Variants in RPS6KA2 observed in about 807,000 individuals in gnomAD.
RPS6KA2 encodes ribosomal protein S6 kinase A2.
A neutral mutation model predicts 91.8 loss-of-function variants in RPS6KA2; 42 were observed. The ratio of observed to expected loss-of-function variants is 0.46; its 90% CI spans 0.36 to 0.59. The LOEUF (loss-of-function observed/expected upper bound fraction) is 0.59. Ranked by LOEUF, RPS6KA2 falls within the 20% of genes least tolerant of loss-of-function variation. RPS6KA2 has a pLI of 0.00. For synonymous variants in RPS6KA2, 414 were observed against 393.6 expected (o/e 1.05, Z -0.61); for missense variants, 798 against 978.5 (o/e 0.82, Z 2.46).
intron 1 of RPS6KA2, among the ~76,000 whole-genome samples, chr6:166,567,195 A>T (rs1425380459): frequency 6.6e-6 from 1 of 152,220 alleles, no homozygotes; most frequent in Non-Finnish European, 1.5e-5. Context: ...GCCATGAGTC[A>T]CATCCATGGT....
intron 1 of RPS6KA2, among the ~76,000 whole-genome samples, chr6:166,550,315 C>A (rs928554571): frequency 6.6e-6 from 1 of 151,058 alleles, no homozygotes; most frequent in African/African-American, 2.4e-5. Context: ...AAAGTTCAGG[C>A]AAAATTAACT....
At chr6:166,779,840 C>T (rs1778721281) in intron 2 of RPS6KA2, among the ~76,000 whole-genome samples, 1 of 152,152 alleles carries the variant, frequency 6.6e-6, no homozygotes, top group Non-Finnish European at 1.5e-5. Flanking sequence ...GCTAGCGTTG[C>T]CGACGGCTGC....
chr6:166,468,591 C>T (rs952629525), intron 11 of RPS6KA2, among the ~76,000 whole-genome samples: 60 of 151,828 alleles, frequency 4.0e-4, no homozygotes, highest in African/African-American at 1.4e-3. Context: ...AGGCCGGGCG[C>T]GGTGGCTCAC....
rs189372720 is a variant in RPS6KA2, at chr6:166,490,458, A to G, written c.818+213T>C. ...GCAACTGCTCCCTTGACCCACTGTC[A>G]TTAGAATGCCCAGCACCCTATTACC... On this transcript the variant is annotated intron_variant, in intron 9 of 20. Coordinates refer to ENST00000265678, the MANE Select transcript of RPS6KA2 (RefSeq NM_021135.6). The surrounding 1 kb of genome is among the most constrained non-coding windows in gnomAD (Gnocchi z 4.2). Among the ~76,000 whole-genome samples, 5 of 152,236 alleles carry G rather than the reference A, an allele frequency of 3.3e-5. No homozygotes were observed. The highest frequency in any genetic ancestry group is 7.3e-5 in the Non-Finnish European group (5 of 68,040).
intron 1 of RPS6KA2, among the ~76,000 whole-genome samples, chr6:166,558,502 T>C (rs377329552): frequency 6.6e-6 from 1 of 152,202 alleles, no homozygotes; most frequent in East Asian, 1.9e-4. Context: ...TGTGCATGTG[T>C]GGCCAAGTTG....
At chr6:166,680,177 A>T (rs1296755573) in intron 2 of RPS6KA2, among the ~76,000 whole-genome samples, 1 of 152,010 alleles carries the variant, frequency 6.6e-6, no homozygotes, top group East Asian at 1.9e-4. Flanking sequence ...GTGTCTAGCT[A>T]ATCTGGTGGG....
rs1334858907 is a variant in RPS6KA2, at chr6:166,849,117, C to G, written c.123+9083G>C. Among the ~76,000 whole-genome samples, 3 of 152,118 alleles carry G rather than the reference C, an allele frequency of 2.0e-5. No homozygotes were observed. Among genetic ancestry groups the G allele is most frequent in the African/African-American group, 7.2e-5 (3 of 41,420 alleles). ...CAGGCCTGCACATGGTTCCTGAAGC[C>G]AAGCCCAGCTGAGGCTTCCTTGGTC... is the stretch of plus-strand genomic sequence containing the variant. On this transcript the variant is annotated intron_variant, in intron 2 of 21. Transcript: ENST00000503859. This position sits in a 1 kb window ranked among gnomAD's most constrained non-coding sequence, Gnocchi z 4.9.
chr6:166,762,424 G>A (rs1303433374), intron 2 of RPS6KA2, among the ~76,000 whole-genome samples: 3 of 152,170 alleles, frequency 2.0e-5, no homozygotes, highest in Non-Finnish European at 2.9e-5. Context: ...AACGGAGGAC[G>A]GAATATGAAG....
At chr6:166,834,496 A>C (rs1348273709) in intron 2 of RPS6KA2, among the ~76,000 whole-genome samples, 1 of 152,198 alleles carries the variant, frequency 6.6e-6, no homozygotes, top group Non-Finnish European at 1.5e-5. Flanking sequence ...AGAGAATCAG[A>C]AAAAAATATT....
chr6:166,679,047 G>A (rs1788702698), intron 2 of RPS6KA2, among the ~76,000 whole-genome samples: 1 of 152,162 alleles, frequency 6.6e-6, no homozygotes, highest in South Asian at 2.1e-4. Flanking sequence ...TACAAAACCT[G>A]GTTGACCAAT....
At chr6:166,797,302 C>T (rs1192771308) in intron 2 of RPS6KA2, among the ~76,000 whole-genome samples, 1 of 140,512 alleles carries the variant, frequency 7.1e-6, no homozygotes, top group African/African-American at 2.8e-5. Flanking sequence ...AAATTATTTC[C>T]AGAAATGTTT....
At chr6:166,735,567 G>A (rs373775368) in intron 2 of RPS6KA2, among the ~76,000 whole-genome samples, 14 of 152,230 alleles carry the variant, frequency 9.2e-5, no homozygotes, top group South Asian at 2.1e-4. Flanking sequence ...TTGTTTTCCC[G>A]CAACTAAACG....
intron 2 of RPS6KA2, among the ~76,000 whole-genome samples, chr6:166,655,065 C>T (rs550397907): frequency 6.6e-5 from 10 of 152,298 alleles, no homozygotes; most frequent in African/African-American, 2.2e-4. Context: ...ACTGACAACC[C>T]ACCGCAACCC....
intron 1 of RPS6KA2, among the ~76,000 whole-genome samples, chr6:166,539,633 T>A (rs1428340228): frequency 2.0e-5 from 3 of 152,210 alleles, no homozygotes; most frequent in African/African-American, 7.2e-5. Context: ...AAAGCAAGAT[T>A]TCCCTGTAGG....
intron 20 of RPS6KA2, among the ~76,000 whole-genome samples, 155 bp from the exon 21 acceptor site, chr6:166,413,042 C>T (rs116564040): frequency 1.3e-5 from 2 of 152,064 alleles, no homozygotes; most frequent in Admixed American, 1.3e-4. Context: ...TGTTAGCCTG[C>T]CGCCAGGGGC....
intron 2 of RPS6KA2, among the ~76,000 whole-genome samples, chr6:166,535,821 G>C (rs1583253153): frequency 6.6e-6 from 1 of 152,344 alleles, no homozygotes; most frequent in Non-Finnish European, 1.5e-5. Context: ...CACCACCCAT[G>C]GCCCTGCTCT....
intron 2 of RPS6KA2, among the ~76,000 whole-genome samples, chr6:166,691,227 G>C: frequency 6.6e-6 from 1 of 152,134 alleles, no homozygotes; most frequent in Non-Finnish European, 1.5e-5. Context: ...GTGCTGCCAG[G>C]ACTTGACCTC....
At chr6:166,753,916 C>G (rs1269668488) in intron 2 of RPS6KA2, among the ~76,000 whole-genome samples, 1 of 152,196 alleles carries the variant, frequency 6.6e-6, no homozygotes, top group East Asian at 1.9e-4. Context: ...AACGTACTAA[C>G]CCAACACAAG....
chr6:166,858,164 A>G (rs1780957755), intron 2 of RPS6KA2: 2 of 1,299,532 alleles, frequency 1.5e-6, no homozygotes, highest in East Asian at 4.6e-5. Flanking sequence ...CAATCTCCCC[A>G]AACAAAGCAG....
Sources: gnomAD v4.1 joint callset for allele counts (sites outside exome capture counted in the v4.1 genomes callset) on GRCh38, gnomAD v4.1.1 for gene constraint, Gnocchi (gnomAD v3.1) non-coding constraint, MANE v1.5 for transcripts, NCBI Gene and HGNC (gene_info 2026-07-23, HGNC 2026-07-21) for gene names.